The following JADE2 variants were observed in gnomAD, a reference collection of about 807,000 sequenced individuals.
The protein encoded by JADE2 is E3 ubiquitin-protein ligase Jade-2.
Under a neutral mutation model 85.7 loss-of-function variants are expected in JADE2, and 13 were observed. The ratio of observed to expected loss-of-function variants is 0.15; its 90% CI spans 0.10 to 0.24. The LOEUF is 0.24. JADE2 is among the 10% of genes least tolerant of loss of function. The pLI, the probability that JADE2 is intolerant of heterozygous loss-of-function variation, is 1.00. For missense variants in JADE2, 846 were observed against 1,115.9 expected (o/e 0.76, Z 3.45); for synonymous variants, 440 against 456.1 (o/e 0.96, Z 0.45).
At chr5:134,551,588 A>C (rs1415391491) in intron 3 of JADE2, among the ~76,000 whole-genome samples, 3 of 149,660 alleles carry the variant, frequency 2.0e-5, no homozygotes, top group Non-Finnish European at 3.0e-5. Context: ...TGTGTTGCCC[A>C]GGCTGTCTTG....
At chr5:134,572,871 G>A (rs894225421) in intron 9 of JADE2, among the ~76,000 whole-genome samples, 3 of 152,254 alleles carry the variant, frequency 2.0e-5, no homozygotes, top group African/African-American at 7.2e-5. Flanking sequence ...AAGGCCCCAA[G>A]GGGCTCTTCC....
intron 4 of JADE2, 32 bp downstream of exon 4, chr5:134,552,241 T>C (rs373812973): frequency 1.2e-6 from 2 of 1,600,978 alleles, no homozygotes; most frequent in African/African-American, 2.7e-5. Context: ...AGGGGGCCAT[T>C]GGGACAGGGG....
rs563049789 is a variant in JADE2, at chr5:134,582,790, C to T, written c.*3473C>T. The T allele has an allele frequency of 6.6e-6, 1 of 152,480 alleles. No individual in the cohort carries two copies. The highest frequency in any genetic ancestry group is 2.4e-5 in the African/African-American group (1 of 41,382). 9.4% of individuals were successfully genotyped at this position (152,480 alleles called of 1,614,324 possible). ...GATATGAATGTCACAGGAGGAGACA[C>T]CTTCTGTCTTTGTTTCAAAGAAAGT... is the stretch of plus-strand genomic sequence containing the variant. On this transcript the variant is annotated 3_prime_UTR_variant, in exon 12 of 12. Coordinates refer to ENST00000681547, the MANE Select transcript of JADE2 (RefSeq NM_001388185.1).
Position 134,576,694 on chromosome 5 carries a change from C to T in JADE2, c.1553-74C>T, listed in dbSNP as rs1281517879. ...CTGATGGAGGACTCCTGGGCTGCCA[C>T]GCAGGGATCTTGGTGCTGACCGAGG... On this transcript the variant is annotated intron_variant, in intron 10 of 11. Coordinates refer to ENST00000681547, the MANE Select transcript of JADE2 (RefSeq NM_001388185.1). 7.2e-6 allele frequency: 11 copies of T among 1,530,766 alleles called. No individual in the cohort carries two copies. The East Asian group carries it at 1.2e-4, about 17-fold the overall frequency. The allele number at this position is 1,530,766 out of a possible 1,614,324, so 94.8% of individuals were successfully genotyped here.
In JADE2 at chr5:134,568,254, G is replaced by A. The variant is rs537277913; in HGVS notation, c.1434+1674G>A. 5.3e-5 allele frequency among the ~76,000 whole-genome samples: 8 copies of A among 152,306 alleles called. No individual in the cohort carries two copies. In the East Asian group the frequency reaches 5.8e-4, roughly 11 times the overall value. ...TGAGCAGATGAGGAAACTGGGGCTC[G>A]GAGAGACGAATAACAGGAAGTCTTA... On this transcript the variant is annotated intron_variant, in intron 9 of 11. Transcript: ENST00000681547.
At position 134,574,046 on chromosome 5, in the gene JADE2, C is replaced by T. The variant is rs183752805; in HGVS notation, c.1552+284C>T. 3.6e-4 allele frequency: 175 copies of T among 491,880 alleles called. 1 individual carries two copies. Among genetic ancestry groups the T allele is most frequent in the Non-Finnish European group, 5.3e-4 (143 of 267,694 alleles). 30.5% of individuals were successfully genotyped at this position (491,880 alleles called of 1,614,324 possible). On this transcript the variant is annotated intron_variant, in intron 10 of 11. Transcript: ENST00000681547. ...TGACTAGGCCACAGCAGTTCAGGAG[C>T]TGATTGCATGTGAACAGGTACAGAG...
chr5:134,530,999 C>T (rs893670108), intron 1 of JADE2, among the ~76,000 whole-genome samples: 36 of 152,120 alleles, frequency 2.4e-4, no homozygotes, highest in African/African-American at 8.7e-4. Flanking sequence ...ATATACATTC[C>T]CAAGGAGAAC....
At chr5:134,554,559 T>G (rs1762798873) in intron 4 of JADE2, among the ~76,000 whole-genome samples, 1 of 152,156 alleles carries the variant, frequency 6.6e-6, no homozygotes, top group Non-Finnish European at 1.5e-5. Context: ...GGGTGCTTTA[T>G]CTGTTGACAT....
At chr5:134,529,136 G>GT (rs1273779083) in intron 1 of JADE2, among the ~76,000 whole-genome samples, 4 of 152,200 alleles carry the variant, frequency 2.6e-5, no homozygotes, top group Non-Finnish European at 4.4e-5. Context: ...CATGACACAG[G>GT]TAAGAGGCTT....
chr5:134,553,410 G>C (rs1762718362), intron 4 of JADE2, among the ~76,000 whole-genome samples: 1 of 150,782 alleles, frequency 6.6e-6, no homozygotes, highest in Non-Finnish European at 1.5e-5. Flanking sequence ...CTGGAGTAGA[G>C]TGGTGCGATC....
At chr5:134,526,653 G>GTGCACGCGGGCGC (rs1442805547) in intron 1 of JADE2, 1 of 985,496 alleles carries the variant, frequency 1.0e-6, no homozygotes, top group Non-Finnish European at 1.2e-6. Context: ...TCCCGGCCCG[G>GTGCACGCGGGCGC]TGCACGCGGG....
intron 11 of JADE2, 197 bp downstream of exon 11, chr5:134,577,093 C>A: frequency 1.7e-6 from 1 of 602,384 alleles, no homozygotes; most frequent in Non-Finnish European, 2.8e-6. Flanking sequence ...CGTGTGACAT[C>A]CTGGGAAATG....
At chr5:134,570,184 C>T (rs899102230) in intron 9 of JADE2, among the ~76,000 whole-genome samples, 1 of 152,174 alleles carries the variant, frequency 6.6e-6, no homozygotes, top group African/African-American at 2.4e-5. Flanking sequence ...GCAGTCCCTG[C>T]CGCACACCCC....
chr5:134,558,530 C>T (rs912661989), intron 4 of JADE2, among the ~76,000 whole-genome samples: 15 of 152,204 alleles, frequency 9.9e-5, no homozygotes, highest in Non-Finnish European at 2.1e-4. Flanking sequence ...ACGTTTAAAT[C>T]TTTAATCCAG....
At chr5:134,536,875 C>G (rs933974985) in intron 2 of JADE2, 3 of 152,252 alleles carry the variant, frequency 2.0e-5, no homozygotes, top group African/African-American at 7.2e-5. Context: ...AAGGCCCCTC[C>G]TAGCTCCCAG....
chr5:134,535,834 T>C (rs773064975), intron 1 of JADE2, 24 bp from the exon 2 acceptor site: 19 of 1,612,294 alleles, frequency 1.2e-5, no homozygotes, highest in South Asian at 1.1e-4. Context: ...TCCGTGAGTA[T>C]AATGGGCTTG....
chr5:134,576,083 C>G (rs1223095528), intron 10 of JADE2, among the ~76,000 whole-genome samples: 1 of 152,112 alleles, frequency 6.6e-6, no homozygotes, highest in Non-Finnish European at 1.5e-5. Context: ...CCTGTGGTCC[C>G]AGCTACTCAG....
intron 9 of JADE2, among the ~76,000 whole-genome samples, chr5:134,567,043 T>C (rs1763686642): frequency 1.3e-5 from 2 of 152,138 alleles, no homozygotes; most frequent in African/African-American, 2.4e-5. Flanking sequence ...GCCAGGGGCA[T>C]CAAGAGCCAG....
chr5:134,579,255 C>T lies in JADE2; in HGVS notation c.2443C>T (p.Gln815Ter), dbSNP rs1764581522. 6.2e-7 allele frequency: 1 copy of T among 1,613,724 alleles called. No individual in the cohort carries two copies. Among genetic ancestry groups the T allele is most frequent in the Admixed American group, 1.7e-5 (1 of 60,012 alleles). The change falls in exon 12 of 12, where the codon CAG (glutamine) becomes TAG (stop). Residue 815 changes from glutamine to a stop codon, truncating the protein, a stop_gained. Coordinates refer to ENST00000681547, the MANE Select transcript of JADE2 (RefSeq NM_001388185.1). LOFTEE classifies it high-confidence loss of function. The surrounding 1 kb of genome is among the most constrained non-coding windows in gnomAD (Gnocchi z 4.6). The part of the protein sequence containing the change: ...SDVEAEDGGV[Q>*]RGPREAGAEE... ...TGTAGAGGCCGAGGACGGTGGGGTG[C>T]AGCGGGGTCCCCGGGAGGCAGGGGC...
Sources: gnomAD v4.1 joint callset for allele counts (sites outside exome capture counted in the v4.1 genomes callset) on GRCh38, gnomAD v4.1.1 for gene constraint, Gnocchi (gnomAD v3.1) non-coding constraint, MANE v1.5 for transcripts, NCBI Gene and HGNC (gene_info 2026-07-23, HGNC 2026-07-21) for gene names.